PCDHGA5: variants seen among roughly 807,000 people sequenced by gnomAD.
PCDHGA5 encodes the protein protocadherin gamma-A5.
In PCDHGA5, 36 loss-of-function variants were observed where a neutral mutation model predicts 56.7. That is an observed-to-expected ratio of 0.64 (90% CI 0.49 to 0.84). The LOEUF (loss-of-function observed/expected upper bound fraction) is 0.84. Ranked by LOEUF, PCDHGA5 falls within the 40% of genes least tolerant of loss-of-function variation. The pLI is 0.00. For missense variants in PCDHGA5, 1,305 were observed against 1,201.5 expected (o/e 1.09, Z -1.27); for synonymous variants, 563 against 520.2 (o/e 1.08, Z -1.12).
chr5:141,419,884 C>A lies in PCDHGA5; in HGVS notation c.2421+53133C>A. 1 of 1,614,088 alleles carries A rather than the reference C, an allele frequency of 6.2e-7. No individual in the cohort carries two copies. The highest frequency in any genetic ancestry group is 8.5e-7 in the Non-Finnish European group (1 of 1,179,896). On this transcript the variant is annotated intron_variant, in intron 1 of 3. Transcript: ENST00000518069. ...GCTTGCAAGAGGTACTGCCGGATTT[C>A]AGCGACCATCCCACACCCTCTGACT... is the stretch of plus-strand genomic sequence containing the variant.
chr5:141,410,458 T>C (rs776990737), intron 1 of PCDHGA5: 9 of 1,613,922 alleles, frequency 5.6e-6, no homozygotes, highest in Middle Eastern at 3.3e-4. Context: ...CTTATTCTTA[T>C]AATCTGTGCA....
At chr5:141,459,035 AC>A (rs1337856322) in intron 1 of PCDHGA5, among the ~76,000 whole-genome samples, 1 of 152,218 alleles carries the variant, frequency 6.6e-6, no homozygotes, top group Non-Finnish European at 1.5e-5. Flanking sequence ...ATCCAGCCTT[AC>A]CAGCTATATT....
At chr5:141,504,500 GAGTGGATCT>G (rs2099838791) in intron 2 of PCDHGA5, among the ~76,000 whole-genome samples, 1 of 152,072 alleles carries the variant, frequency 6.6e-6, no homozygotes, top group Non-Finnish European at 1.5e-5. Context: ...TGCCCAGTCT[GAGTGGATCT>G]CCTCTGATAT....
At chr5:141,473,501 G>C (rs1053399138) in intron 1 of PCDHGA5, among the ~76,000 whole-genome samples, 7 of 152,188 alleles carry the variant, frequency 4.6e-5, no homozygotes, top group African/African-American at 1.7e-4. Context: ...GGTGTTCTGA[G>C]AGAGCATAAC....
chr5:141,390,392 C>A, intron 1 of PCDHGA5: 1 of 1,390,890 alleles, frequency 7.2e-7, no homozygotes. Flanking sequence ...TGTCATGGAT[C>A]ATTTTAGGAA....
chr5:141,415,745 T>C, intron 1 of PCDHGA5: 1 of 517,922 alleles, frequency 1.9e-6, no homozygotes, highest in Non-Finnish European at 2.4e-6. Context: ...TTAAGGTTTT[T>C]TTTTTTTTTT....
In PCDHGA5 at chr5:141,431,514, C is replaced by T. The variant is rs760416874; in HGVS notation, c.2422-63293C>T. ...CAGCCCGAGTACCGCGCGAGCGTTC[C>T]GGAGAATCTGGCCTTGGGCACGCAG... On this transcript the variant is annotated intron_variant, in intron 1 of 3. Transcript: ENST00000518069. This position sits in a 1 kb window ranked among gnomAD's most constrained non-coding sequence, Gnocchi z 4.8. 3.1e-6 allele frequency: 5 copies of T among 1,614,012 alleles called. No homozygotes were observed. The highest frequency in any genetic ancestry group is 1.1e-5 in the South Asian group (1 of 91,082).
intron 1 of PCDHGA5, chr5:141,370,814 G>A (rs1177067134): frequency 9.9e-6 from 16 of 1,613,906 alleles, no homozygotes; most frequent in Non-Finnish European, 1.4e-5. Flanking sequence ...TCACTGAGCT[G>A]GAAATCAGCG....
At chr5:141,461,082 T>C (rs2099008648) in intron 1 of PCDHGA5, among the ~76,000 whole-genome samples, 1 of 152,070 alleles carries the variant, frequency 6.6e-6, no homozygotes, top group South Asian at 2.1e-4. Flanking sequence ...AATTGTGAAT[T>C]GTGCTGCTAT....
intron 1 of PCDHGA5, chr5:141,415,794 A>G: frequency 1.5e-6 from 2 of 1,366,408 alleles, no homozygotes; most frequent in Non-Finnish European, 1.9e-6. Context: ...AAATTCACCT[A>G]GTCTCAATCA....
At chr5:141,488,389 A>G (rs1322717951) in intron 1 of PCDHGA5, among the ~76,000 whole-genome samples, 1 of 152,224 alleles carries the variant, frequency 6.6e-6, no homozygotes, top group East Asian at 1.9e-4. Context: ...GAATTTGGTG[A>G]AACCATGAAA....
intron 1 of PCDHGA5, among the ~76,000 whole-genome samples, chr5:141,407,512 T>C (rs910710605): frequency 6.6e-6 from 1 of 152,192 alleles, no homozygotes; most frequent in East Asian, 1.9e-4. Context: ...TCTTAGGCTA[T>C]GTAGGACTTA....
intron 1 of PCDHGA5, among the ~76,000 whole-genome samples, chr5:141,449,630 T>C (rs1006977026): frequency 6.7e-6 from 1 of 150,024 alleles, no homozygotes; most frequent in South Asian, 2.1e-4. Flanking sequence ...TTTAAAAAGA[T>C]GTATCTATAT....
At chr5:141,371,684 A>G (rs756152313) in intron 1 of PCDHGA5, 4 of 1,614,050 alleles carry the variant, frequency 2.5e-6, no homozygotes, top group Non-Finnish European at 3.4e-6. Context: ...AAGGCAATCC[A>G]CCGCTCTCCT....
chr5:141,460,075 C>T (rs2098981644), intron 1 of PCDHGA5, among the ~76,000 whole-genome samples: 2 of 151,896 alleles, frequency 1.3e-5, no homozygotes, highest in East Asian at 1.9e-4. Context: ...GAGACTTCAT[C>T]TAAAAAATAA....
At chr5:141,385,831 G>A (rs1317215192) in intron 1 of PCDHGA5, 1 of 154,298 alleles carries the variant, frequency 6.5e-6, no homozygotes, top group Non-Finnish European at 1.4e-5. Flanking sequence ...CCTATTTACA[G>A]TATAATCATT....
intron 1 of PCDHGA5, chr5:141,375,591 C>T (rs1177848611): frequency 6.2e-7 from 1 of 1,614,194 alleles, no homozygotes; most frequent in East Asian, 2.2e-5. Flanking sequence ...CCCCTGTCCT[C>T]CTACGTGTCC....
chr5:141,421,791 T>TG, intron 1 of PCDHGA5: 1 of 1,613,792 alleles, frequency 6.2e-7, no homozygotes, highest in Non-Finnish European at 8.5e-7. Flanking sequence ...GCAGAACGGA[T>TG]GGGGCCAAGA....
intron 1 of PCDHGA5, chr5:141,400,578 T>C: frequency 6.2e-7 from 1 of 1,610,934 alleles, no homozygotes; most frequent in Non-Finnish European, 8.5e-7. Context: ...TTTCTGTATT[T>C]ACATGAAACT....
Sources: allele counts gnomAD v4.1 joint callset (sites outside exome capture counted in the v4.1 genomes callset), GRCh38; gene constraint gnomAD v4.1.1; non-coding constraint Gnocchi (gnomAD v3.1); transcripts MANE v1.5; gene names NCBI Gene and HGNC (gene_info 2026-07-23, HGNC 2026-07-21).